Variants in ITPRID1 observed in about 807,000 individuals in gnomAD.
The protein encoded by ITPRID1 is ITPR interacting domain containing 1.
ITPRID1 carries 96 observed loss-of-function variants against 95.4 expected under a neutral mutation model. That is an observed-to-expected ratio of 1.01 (90% CI 0.85 to 1.19). The LOEUF (loss-of-function observed/expected upper bound fraction) is 1.19, where lower values mean the gene tolerates loss of function less well. Among genes scored for constraint, ITPRID1 ranks in the 50% most tolerant of loss-of-function variants. The pLI is 0.00. For missense variants in ITPRID1, 1,339 were observed against 1,252.9 expected (o/e 1.07, Z -1.04); for synonymous variants, 510 against 453.6 (o/e 1.12, Z -1.58).
chr7:31,612,885 A>G (rs1337848890), intron 10 of ITPRID1, among the ~76,000 whole-genome samples: 1 of 152,188 alleles, frequency 6.6e-6, no homozygotes, highest in Non-Finnish European at 1.5e-5. Flanking sequence ...TTCAAAGTCC[A>G]CTATTAGCCA....
Position 31,553,041 on chromosome 7 carries a change from C to A in ITPRID1, c.17C>A (p.Ser6Ter). Residue 6 changes from serine (S) to a stop codon, truncating the protein, a stop_gained, in exon 3 of 15, where the codon TCA becomes TAA. Coordinates refer to ENST00000615280, the MANE Select transcript of ITPRID1 (RefSeq NM_001257967.3). LOFTEE classifies it high-confidence loss of function. MMAQK[S>*]QGSDNLQEGQ... is the part of the protein sequence containing the mutation. ...TACTCTCCTATGATGGCACAGAAAT[C>A]ACAAGGATCTGACAACCTTCAGGAA... 1 of 1,609,932 alleles carries A rather than the reference C, an allele frequency of 6.2e-7. No homozygotes were observed. Among genetic ancestry groups the A allele is most frequent in the Non-Finnish European group, 8.5e-7 (1 of 1,178,004 alleles).
chr7:31,616,530 C>T (rs980338569), intron 10 of ITPRID1, among the ~76,000 whole-genome samples: 2 of 152,144 alleles, frequency 1.3e-5, no homozygotes, highest in Admixed American at 1.3e-4. Context: ...AGAAGGAGGT[C>T]ATCTGCCCAT....
intron 5 of ITPRID1, among the ~76,000 whole-genome samples, chr7:31,567,324 T>C (rs1470227732): frequency 1.3e-5 from 2 of 152,244 alleles, no homozygotes; most frequent in African/African-American, 2.4e-5. Context: ...AGTTTATATG[T>C]ACCCCATCTT....
chr7:31,542,356 C>A (rs976850188), intron 1 of ITPRID1, among the ~76,000 whole-genome samples: 2 of 152,140 alleles, frequency 1.3e-5, no homozygotes, highest in Non-Finnish European at 2.9e-5. Context: ...AATTGTACAA[C>A]ATTTCTTGCA....
intron 10 of ITPRID1, among the ~76,000 whole-genome samples, chr7:31,627,313 G>A (rs1235359051): frequency 3.3e-5 from 5 of 151,978 alleles, no homozygotes; most frequent in Admixed American, 1.3e-4. Context: ...TATTGGGGAT[G>A]CAAACAAAAA....
intron 10 of ITPRID1, among the ~76,000 whole-genome samples, chr7:31,583,942 G>A (rs1785497437): frequency 1.3e-5 from 2 of 152,168 alleles, no homozygotes; most frequent in South Asian, 4.1e-4. Flanking sequence ...GCTAGCCCTT[G>A]CATTCTAAAT....
At chr7:31,591,509 T>G (rs1785863934) in intron 10 of ITPRID1, among the ~76,000 whole-genome samples, 1 of 152,254 alleles carries the variant, frequency 6.6e-6, no homozygotes, top group Admixed American at 6.5e-5. Flanking sequence ...AAGATAAAAA[T>G]GTAGCTGTTG....
intron 6 of ITPRID1, among the ~76,000 whole-genome samples, chr7:31,570,221 GTC>G (rs902507589): frequency 6.6e-6 from 1 of 152,304 alleles, no homozygotes; most frequent in African/African-American, 2.4e-5. Context: ...AGCAGTGAGA[GTC>G]TCTTCATTGG....
intron 10 of ITPRID1, among the ~76,000 whole-genome samples, chr7:31,605,188 A>G (rs1786565334): frequency 6.6e-6 from 1 of 151,408 alleles, no homozygotes; most frequent in Non-Finnish European, 1.5e-5. Context: ...GAATCTGGAG[A>G]GGTGATTATG....
At chr7:31,597,832 A>G (rs753887185) in intron 10 of ITPRID1, among the ~76,000 whole-genome samples, 2 of 152,280 alleles carry the variant, frequency 1.3e-5, no homozygotes, top group Middle Eastern at 3.4e-3. Context: ...TAAGACTATT[A>G]TAAAGATCAT....
At chr7:31,612,710 A>G (rs2128165466) in intron 10 of ITPRID1, among the ~76,000 whole-genome samples, 1 of 152,160 alleles carries the variant, frequency 6.6e-6, no homozygotes, top group Non-Finnish European at 1.5e-5. Flanking sequence ...TCAATGCTCC[A>G]CCTATTTACA....
At chr7:31,610,348 CA>C (rs1021986370) in intron 10 of ITPRID1, among the ~76,000 whole-genome samples, 19 of 151,452 alleles carry the variant, frequency 1.3e-4, no homozygotes, top group African/African-American at 2.2e-4. Context: ...CTATTTAATT[CA>C]AAAAAATGCA....
intron 10 of ITPRID1, among the ~76,000 whole-genome samples, chr7:31,611,122 T>A (rs948153196): frequency 6.6e-6 from 1 of 151,552 alleles, no homozygotes; most frequent in Non-Finnish European, 1.5e-5. Flanking sequence ...TTATATTTTT[T>A]AAGTTACTTT....
intron 10 of ITPRID1, among the ~76,000 whole-genome samples, chr7:31,606,550 G>T (rs1385186087): frequency 1.3e-5 from 2 of 152,126 alleles, no homozygotes; most frequent in Admixed American, 1.3e-4. Context: ...AGGTAAAACT[G>T]CAAAGATATG....
chr7:31,538,895 T>C (rs1216500868), intron 1 of ITPRID1, among the ~76,000 whole-genome samples: 1 of 152,230 alleles, frequency 6.6e-6, no homozygotes, highest in Admixed American at 6.5e-5. Flanking sequence ...CATTGGACTT[T>C]CACCCCGTAA....
intron 10 of ITPRID1, among the ~76,000 whole-genome samples, chr7:31,633,209 G>A (rs893530338): frequency 6.6e-6 from 1 of 152,134 alleles, no homozygotes; most frequent in Non-Finnish European, 1.5e-5. Context: ...TTACGCTGAG[G>A]AGAAAGGCCT....
At chr7:31,572,300 A>G in intron 7 of ITPRID1, 112 bp downstream of exon 7, 1 of 650,462 alleles carries the variant, frequency 1.5e-6, no homozygotes, top group Non-Finnish European at 2.6e-6. Flanking sequence ...AATGAATAAA[A>G]GATTTTCAAA....
At chr7:31,524,480 C>T (rs771688793) in intron 1 of ITPRID1, among the ~76,000 whole-genome samples, 2 of 152,108 alleles carry the variant, frequency 1.3e-5, no homozygotes, top group Non-Finnish European at 2.9e-5. Flanking sequence ...GGTCCCATTT[C>T]GAGATTAAAG....
In ITPRID1 at chr7:31,554,115, T is replaced by C. The variant is rs533046691; in HGVS notation, c.164-360T>C. The stretch of plus-strand genomic sequence containing the variant: ...AGGAGAGGCTTTGTGGTGATTTATA[T>C]CCAACAAGAGAAAGACAAAAGTCTC... On this transcript the variant is annotated intron_variant, in intron 3 of 14. Transcript: ENST00000615280. Among the ~76,000 whole-genome samples the C allele has an allele frequency of 2.5e-4, 38 of 152,320 alleles. No individual in the cohort carries two copies. In the South Asian group the frequency reaches 2.7e-3, roughly 11 times the overall value.
Sources: allele counts gnomAD v4.1 joint callset (sites outside exome capture counted in the v4.1 genomes callset), GRCh38; gene constraint gnomAD v4.1.1; transcripts MANE v1.5; gene names NCBI Gene and HGNC (gene_info 2026-07-23, HGNC 2026-07-21).